FHOD1: variants seen among roughly 807,000 people sequenced by gnomAD.
FHOD1 encodes formin homology 2 domain containing 1.
In FHOD1, 89 loss-of-function variants were observed where a neutral mutation model predicts 111.6. The observed-to-expected ratio is 0.80, with a 90% CI of 0.67 to 0.95. The LOEUF (loss-of-function observed/expected upper bound fraction) is 0.95. FHOD1 is among the 40% of genes least tolerant of loss of function. The probability of loss-of-function intolerance (pLI) is 0.00; values close to 1 mark genes in which losing one functional copy is unlikely to be tolerated. For missense variants in FHOD1, 1,446 were observed against 1,554.2 expected (o/e 0.93, Z 1.17); for synonymous variants, 618 against 639.0 (o/e 0.97, Z 0.50).
chr16:67,233,944 G>A lies in FHOD1; in HGVS notation c.1759C>T (p.Pro587Ser). The A allele has an allele frequency of 6.3e-7, 1 of 1,594,444 alleles. No homozygotes were observed. Among genetic ancestry groups the A allele is most frequent in the Non-Finnish European group, 8.5e-7 (1 of 1,170,788 alleles). The change falls in exon 13 of 22, where the codon CCA becomes TCA. Residue 587 changes from proline to serine, a missense_variant. Around this residue, in one of 3 missense-constraint regions of FHOD1, gnomAD observed 1,085 missense variants for 1,108.8 expected, o/e 0.98. Coordinates refer to ENST00000258201, the MANE Select transcript of FHOD1 (RefSeq NM_013241.3). ...TTGATGGGTGGGGGAGGTGGAAGTG[G>A]GGGAGGGGGGGGTACTCCCGAGAGC... is the stretch of plus-strand genomic sequence containing the variant. ...PLLSGVPPPP[P>S]LPPPPPIKGP... is the part of the protein sequence containing the mutation.
At position 67,231,739 on chromosome 16, in the gene FHOD1, C is replaced by T. The variant is rs1420715148; in HGVS notation, c.2283G>A (p.Leu761=). ...EAQLANPDIP[L]GPAENFLMTL... Reference sequence around the variant, plus strand: ...TCATCAGGAAGTTCTCGGCTGGGCCCAGGGGTATGTCAGGGTTGGCCAGCT... The same window carrying T: ...TCATCAGGAAGTTCTCGGCTGGGCCTAGGGGTATGTCAGGGTTGGCCAGCT... The change falls in exon 15 of 22, where the codon CTG becomes CTA. Residue 761 remains leucine (L), a synonymous_variant. Coordinates refer to ENST00000258201, the MANE Select transcript of FHOD1 (RefSeq NM_013241.3). The surrounding 1 kb of genome is among the most constrained non-coding windows in gnomAD (Gnocchi z 4.3). The T allele has an allele frequency of 2.5e-6, 4 of 1,614,154 alleles. No homozygotes were observed. Among genetic ancestry groups the T allele is most frequent in the Non-Finnish European group, 3.4e-6 (4 of 1,180,014 alleles).
At position 67,237,260 on chromosome 16, in the gene FHOD1, G is replaced by T; in HGVS notation, c.972C>A (p.Arg324=). The change falls in exon 9 of 22, where the codon CGC becomes CGA. Residue 324 remains arginine, a synonymous_variant. Transcript: ENST00000258201. The surrounding 1 kb of genome is among the most constrained non-coding windows in gnomAD (Gnocchi z 5.6). ...CCACCTCGTAGAGCACAAGCTGCGTGCGCAGGTCGACGTCAGTGCCCGCAG... is the reference window on the plus strand; with the variant it reads ...CCACCTCGTAGAGCACAAGCTGCGTTCGCAGGTCGACGTCAGTGCCCGCAG... ...LGTAGTDVDL[R]TQLVLYENAL... The T allele has an allele frequency of 1.2e-6, 2 of 1,613,870 alleles. No individual in the cohort carries two copies. Among genetic ancestry groups the T allele is most frequent in the African/African-American group, 1.3e-5 (1 of 75,072 alleles).
At chr16:67,233,632 C>G (rs1567386281) in intron 13 of FHOD1, 25 bp downstream of exon 13, 2 of 1,563,168 alleles carry the variant, frequency 1.3e-6, no homozygotes, top group Non-Finnish European at 8.7e-7. Flanking sequence ...TCCCTTGGGG[C>G]TACCTTGCAG....
Position 67,229,875 on chromosome 16 carries a change from A to C in FHOD1, c.3330T>G (p.Leu1110=). ...TGCTCTTGGTCACTGACTGCACCAG[A>C]AGGTCCATGATCTCATCTGATGTAT... The part of the protein sequence containing the change: ...PSDTSDEIMD[L]LVQSVTKSSP... The change falls in exon 21 of 22, where the codon CTT becomes CTG. Residue 1110 remains leucine (L), a synonymous_variant. Coordinates refer to ENST00000258201, the MANE Select transcript of FHOD1 (RefSeq NM_013241.3). The C allele has an allele frequency of 6.2e-7, 1 of 1,614,190 alleles. No individual in the cohort carries two copies. The highest frequency in any genetic ancestry group is 1.3e-5 in the African/African-American group (1 of 75,040).
In FHOD1 at chr16:67,229,606, G is replaced by A; in HGVS notation, c.*30C>T. The A allele has an allele frequency of 5.6e-6, 9 of 1,597,370 alleles. No individual in the cohort carries two copies. Among genetic ancestry groups the A allele is most frequent in the Non-Finnish European group, 7.7e-6 (9 of 1,164,726 alleles). On this transcript the variant is annotated 3_prime_UTR_variant, in exon 22 of 22. Coordinates refer to ENST00000258201, the MANE Select transcript of FHOD1 (RefSeq NM_013241.3). The stretch of plus-strand genomic sequence containing the variant: ...GTCATCTCCTGCACTGCAGTCCAGG[G>A]TCCAGATAGATTTCCGGGATACAGC...
At position 67,231,771 on chromosome 16, in the gene FHOD1, C is replaced by T; in HGVS notation, c.2251G>A (p.Glu751Lys). The T allele has an allele frequency of 3.1e-6, 5 of 1,614,190 alleles. No homozygotes were observed. Among genetic ancestry groups the T allele is most frequent in the Non-Finnish European group, 3.4e-6 (4 of 1,180,028 alleles). The part of the protein sequence containing the change: ...PTEEERQKIE[E>K]AQLANPDIPL... Reference sequence around the variant, plus strand: ...ATGTCAGGGTTGGCCAGCTGGGCTTCCTCAATCTTCTGCCGCTCTTCCTCC... The same window carrying T: ...ATGTCAGGGTTGGCCAGCTGGGCTTTCTCAATCTTCTGCCGCTCTTCCTCC... Residue 751 changes from glutamate to lysine, a missense_variant, in exon 15 of 22, where the codon GAA (glutamate) becomes AAA (lysine). By Grantham distance (56) the Glu-to-Lys change is moderately conservative. Around this residue, in one of 3 missense-constraint regions of FHOD1, gnomAD observed 1,085 missense variants for 1,108.8 expected, o/e 0.98. Transcript: ENST00000258201. This position sits in a 1 kb window ranked among gnomAD's most constrained non-coding sequence, Gnocchi z 4.3.
chr16:67,239,215 CT>C, intron 2 of FHOD1, 132 bp downstream of exon 2: 1 of 787,944 alleles, frequency 1.3e-6, no homozygotes, highest in Non-Finnish European at 2.2e-6. Flanking sequence ...TAGAATTCCC[CT>C]GGCACACTTC....
Position 67,237,092 on chromosome 16 carries a change from C to T in FHOD1, c.1016G>A (p.Gly339Glu), listed in dbSNP as rs1408756042. 1 of 1,611,770 alleles carries T rather than the reference C, an allele frequency of 6.2e-7. No homozygotes were observed. Among genetic ancestry groups the T allele is most frequent in the East Asian group, 2.2e-5 (1 of 44,858 alleles). ...AGCGCCTGGGGCTTCTTCGATGTCT[C>T]CATCCTCCAATTTCAGGGCGTTCTA... ...LYENALKLED[G>E]DIEEAPGAGG... The change falls in exon 10 of 22, where the codon GGA becomes GAA. Residue 339 changes from glycine to glutamate, a missense_variant. Coordinates refer to ENST00000258201, the MANE Select transcript of FHOD1 (RefSeq NM_013241.3). This position sits in a 1 kb window ranked among gnomAD's most constrained non-coding sequence, Gnocchi z 5.6.
rs1194728298 is a variant in FHOD1, at chr16:67,231,162, C to G, written c.2667+26G>C. On this transcript the variant is annotated intron_variant, in intron 17 of 21. Coordinates refer to ENST00000258201, the MANE Select transcript of FHOD1 (RefSeq NM_013241.3). This position sits in a 1 kb window ranked among gnomAD's most constrained non-coding sequence, Gnocchi z 4.3. ...CAGCGCTCCTCATGCCTTGTCCGGC[C>G]TTGGTTGATTCTGGCAGGTGCTAAC... 1.9e-6 allele frequency: 3 copies of G among 1,612,780 alleles called. No homozygotes were observed. Among genetic ancestry groups the G allele is most frequent in the Non-Finnish European group, 2.5e-6 (3 of 1,179,182 alleles).
At position 67,237,903 on chromosome 16, in the gene FHOD1, C is replaced by G. The variant is rs1289940621; in HGVS notation, c.642+131G>C. 7.7e-7 allele frequency: 1 copy of G among 1,300,814 alleles called. No homozygotes were observed. The highest frequency in any genetic ancestry group is 2.3e-5 in the East Asian group (1 of 43,208). 80.6% of individuals were successfully genotyped at this position (1,300,814 alleles called of 1,614,324 possible). A position where few individuals can be genotyped will look rare whatever the true frequency, so the allele number is the denominator to read the frequency against. The stretch of plus-strand genomic sequence containing the variant: ...GAATGACCCTGGCCCCAGGCCCAGG[C>G]ACTGAAGTGCCTTATAGGCTTACAG... On this transcript the variant is annotated intron_variant, in intron 6 of 21. Transcript: ENST00000258201. The surrounding 1 kb of genome is among the most constrained non-coding windows in gnomAD (Gnocchi z 5.6).
intron 1 of FHOD1, 54 bp from the exon 2 acceptor site, chr16:67,239,508 ATGAAGACCCC>A: frequency 7.4e-7 from 1 of 1,358,040 alleles, no homozygotes; most frequent in South Asian, 1.2e-5. Context: ...AGGCGAATGT[ATGAAGACCCC>A]TGACCTCTTA....
chr16:67,234,512 C>G (rs368067968), intron 11 of FHOD1, 40 bp from the exon 12 acceptor site: 1 of 1,524,846 alleles, frequency 6.6e-7, no homozygotes, highest in Non-Finnish European at 8.8e-7. Flanking sequence ...TCTGACACAC[C>G]CCAGCCCAGG....
chr16:67,236,936 C>T (rs745429669), intron 10 of FHOD1, 30 bp downstream of exon 10: 14 of 1,448,992 alleles, frequency 9.7e-6, no homozygotes, highest in Admixed American at 4.1e-5. Context: ...GTAGATCCAC[C>T]CTTTCCCATC....
At chr16:67,239,237 G>T in intron 2 of FHOD1, 111 bp downstream of exon 2, 1 of 880,144 alleles carries the variant, frequency 1.1e-6, no homozygotes, top group African/African-American at 1.6e-5. Context: ...CCTGGGGCAG[G>T]AGGTGACCCA....
At chr16:67,230,544 C>A in intron 18 of FHOD1, 38 bp from the exon 19 acceptor site, 1 of 1,613,486 alleles carries the variant, frequency 6.2e-7, no homozygotes, top group African/African-American at 1.3e-5. Context: ...GTAAGTCCTG[C>A]TTATTGTCTG....
chr16:67,232,233 G>C, intron 13 of FHOD1, 39 bp from the exon 14 acceptor site: 2 of 1,610,032 alleles, frequency 1.2e-6, no homozygotes, highest in African/African-American at 1.3e-5. Flanking sequence ...GACTGAGGAA[G>C]GGGGCCTGAC....
At position 67,237,848 on chromosome 16, in the gene FHOD1, C is replaced by T. The variant is rs2034549742; in HGVS notation, c.643-80G>A. The stretch of plus-strand genomic sequence containing the variant: ...TGTTGCTGGGGAAGGGGAAGGGCTG[C>T]TGGGGCTGGACCCAGAGAGAATCTA... On this transcript the variant is annotated intron_variant, in intron 6 of 21. Transcript: ENST00000258201. The surrounding 1 kb of genome is among the most constrained non-coding windows in gnomAD (Gnocchi z 5.6). The T allele has an allele frequency of 2.1e-6, 3 of 1,431,520 alleles. No individual in the cohort carries two copies. In the Admixed American group the frequency reaches 5.1e-5, roughly 24 times the overall value. The allele number at this position is 1,431,520 out of a possible 1,614,324, so 88.7% of individuals were successfully genotyped here.
rs149055501 is a variant in FHOD1 at position 67,234,092 on chromosome 16, G to A, written c.1611C>T (p.Pro537=). The A allele has an allele frequency of 6.1e-5, 97 of 1,602,556 alleles. 1 individual carries two copies. In the African/African-American group the frequency reaches 1.1e-3, roughly 18 times the overall value. ...AGTCCAGGTCCCCAATAGAGAGCCT[G>A]GGTGCACGGGTAGGGAGCTCCCAGA... ...EPIWELPTRA[P]RLSIGDLDFS... The change falls in exon 13 of 22, where the codon CCC becomes CCT. Residue 537 remains proline, a synonymous_variant. Transcript: ENST00000258201.
intron 11 of FHOD1, 87 bp from the exon 12 acceptor site, chr16:67,234,559 A>C: frequency 8.8e-7 from 1 of 1,137,448 alleles, no homozygotes; most frequent in Non-Finnish European, 1.3e-6. Context: ...CACCACCCCC[A>C]ATTGCAGGCA....
Sources: allele counts gnomAD v4.1 joint callset, GRCh38; gene constraint gnomAD v4.1.1; regional missense constraint gnomAD v4.1.1; non-coding constraint Gnocchi (gnomAD v3.1); transcripts MANE v1.5; gene names NCBI Gene and HGNC (gene_info 2026-07-23, HGNC 2026-07-21).